The following ZPR1 variants were observed in gnomAD, a reference collection of about 807,000 sequenced individuals.
The protein encoded by ZPR1 is zinc finger protein ZPR1.
In ZPR1, 37 loss-of-function variants were observed where a neutral mutation model predicts 59.6. The observed-to-expected ratio is 0.62, with a 90% CI of 0.48 to 0.82. The LOEUF is 0.82. Among genes scored for constraint, ZPR1 ranks in the 40% least tolerant of loss-of-function variants. The pLI, the probability that ZPR1 is intolerant of heterozygous loss-of-function variation, is 0.00. For missense variants in ZPR1, 527 were observed against 579.9 expected, an observed-to-expected ratio of 0.91 and a Z score of 0.94; for synonymous variants, 191 against 215.2, an observed-to-expected ratio of 0.89 and a Z score of 0.99.
chr11:116,782,736 T>C (rs1940827161), intron 11 of ZPR1, among the ~76,000 whole-genome samples, 183 bp downstream of exon 11: 1 of 152,240 alleles, frequency 6.6e-6, no homozygotes, highest in Admixed American at 6.5e-5. Context: ...GGAATTTCCA[T>C]TCAACATTTC....
At chr11:116,779,860 CAAGTAAA>C (rs1346611568) in intron 12 of ZPR1, 23 bp from the exon 13 acceptor site, 1 of 1,391,866 alleles carries the variant, frequency 7.2e-7, no homozygotes, top group Non-Finnish European at 9.7e-7. Flanking sequence ...GAGAACACAG[CAAGTAAA>C]TTTTACATAA....
intron 2 of ZPR1, 165 bp from the exon 3 acceptor site, chr11:116,787,224 C>A: frequency 1.4e-6 from 1 of 694,816 alleles, no homozygotes; most frequent in Non-Finnish European, 2.4e-6. Context: ...GTGGTGTGAG[C>A]CAGGCTGTCC....
chr11:116,779,827 C>G lies in ZPR1; in HGVS notation c.1190G>C (p.Gly397Ala). The G allele has an allele frequency of 2.5e-6, 4 of 1,570,168 alleles. No homozygotes were observed. The highest frequency in any genetic ancestry group is 3.5e-6 in the Non-Finnish European group (4 of 1,154,942). The change falls in exon 13 of 14, where the codon GGT becomes GCT. Residue 397 changes from glycine (G) to alanine (A), a missense_variant. By Grantham distance (60) the Gly-to-Ala change is moderately conservative. Transcript: ENST00000227322. The stretch of plus-strand genomic sequence containing the variant: ...CATAATAAAGTGGGCCTTCATGTTA[C>G]CTTCGATGATCTAAAGGAGAGAGAG... The part of the protein sequence containing the change: ...FSQKMDQIIE[G>A]NMKAHFIMDD...
chr11:116,781,456 A>G (rs1940803776), intron 12 of ZPR1, among the ~76,000 whole-genome samples: 2 of 152,244 alleles, frequency 1.3e-5, no homozygotes, highest in South Asian at 2.1e-4. Context: ...CTCAATAGCC[A>G]AAGTGGAAGA....
chr11:116,781,203 A>C (rs932106911), intron 12 of ZPR1, among the ~76,000 whole-genome samples: 3 of 151,702 alleles, frequency 2.0e-5, no homozygotes, highest in Non-Finnish European at 4.4e-5. Context: ...AGGAGTTTTC[A>C]GAAAGAACAG....
At position 116,778,953 on chromosome 11, in the gene ZPR1, T is replaced by G. The variant is rs111364787; in HGVS notation, c.1352A>C (p.Tyr451Ser). 1 of 1,614,176 alleles carries G rather than the reference T, an allele frequency of 6.2e-7. No homozygotes were observed. The highest frequency in any genetic ancestry group is 1.1e-5 in the South Asian group (1 of 91,088). ...CCGTTGCGGAGCCAGGCCTGCCTCA[T>G]AGCCCTCTGTCTTCATGTCATTGAG... is the stretch of plus-strand genomic sequence containing the variant. ...LGLNDMKTEG[Y>S]EAGLAPQR Residue 451 changes from tyrosine (Y) to serine (S), a missense_variant, in exon 14 of 14, where the codon TAT becomes TCT. Coordinates refer to ENST00000227322, the MANE Select transcript of ZPR1 (RefSeq NM_003904.5).
intron 6 of ZPR1, 101 bp downstream of exon 6, chr11:116,785,413 G>A: frequency 6.6e-7 from 1 of 1,507,850 alleles, no homozygotes; most frequent in South Asian, 1.3e-5. Context: ...CTGAGATAGG[G>A]CACACAGAGC....
chr11:116,787,151 G>T (rs1015193891), intron 2 of ZPR1, 92 bp from the exon 3 acceptor site: 40 of 1,160,692 alleles, frequency 3.4e-5, no homozygotes, highest in Non-Finnish European at 5.0e-5. Context: ...TCAGACCGCA[G>T]CCCAGCTGTC....
In ZPR1 at chr11:116,778,798, C is replaced by G. The variant is rs1224385516; in HGVS notation, c.*127G>C. 6 of 1,205,650 alleles carry G rather than the reference C, an allele frequency of 5.0e-6. No homozygotes were observed. The highest frequency in any genetic ancestry group is 6.8e-6 in the Non-Finnish European group (6 of 877,032). 74.7% of individuals were successfully genotyped at this position (1,205,650 alleles called of 1,614,324 possible). ...GTGTGCACAGATCTCTGACTCAGACCAGATGTCCTCCCCACCATGGGCAAG... is the reference window on the plus strand; with the variant it reads ...GTGTGCACAGATCTCTGACTCAGACGAGATGTCCTCCCCACCATGGGCAAG... On this transcript the variant is annotated 3_prime_UTR_variant, in exon 14 of 14. Coordinates refer to ENST00000227322, the MANE Select transcript of ZPR1 (RefSeq NM_003904.5).
At position 116,778,852 on chromosome 11, in the gene ZPR1, C is replaced by G; in HGVS notation, c.*73G>C. On this transcript the variant is annotated 3_prime_UTR_variant, in exon 14 of 14. Coordinates refer to ENST00000227322, the MANE Select transcript of ZPR1 (RefSeq NM_003904.5). ...TGGTGGGAAAGACACTCCCAGCCTT[C>G]GCCTTCATCCAATACTAATAAATAA... 6.5e-7 allele frequency: 1 copy of G among 1,550,208 alleles called. No homozygotes were observed. The highest frequency in any genetic ancestry group is 8.7e-7 in the Non-Finnish European group (1 of 1,150,784).
intron 7 of ZPR1, 53 bp downstream of exon 7, chr11:116,785,046 C>A (rs1259760787): frequency 6.2e-7 from 1 of 1,608,868 alleles, no homozygotes; most frequent in Non-Finnish European, 8.5e-7. Context: ...TGAACAGCAT[C>A]AGTCTCAGCC....
At chr11:116,783,286 AG>A (rs1362073142) in intron 10 of ZPR1, among the ~76,000 whole-genome samples, 1 of 152,224 alleles carries the variant, frequency 6.6e-6, no homozygotes, top group Non-Finnish European at 1.5e-5. Context: ...GACAGAGAAG[AG>A]GACCCAGATA....
At chr11:116,786,939 A>G in intron 3 of ZPR1, 30 bp downstream of exon 3, 1 of 1,583,034 alleles carries the variant, frequency 6.3e-7, no homozygotes, top group Non-Finnish European at 8.7e-7. Flanking sequence ...CTACATGCGA[A>G]CAGCCCAAAT....
chr11:116,782,876 C>G (rs747389937), intron 11 of ZPR1, 43 bp downstream of exon 11: 1 of 1,524,648 alleles, frequency 6.6e-7, no homozygotes. Context: ...TTCACACAGC[C>G]AAATTGCTCA....
chr11:116,784,726 C>A, intron 8 of ZPR1, 129 bp downstream of exon 8: 1 of 1,042,924 alleles, frequency 9.6e-7, no homozygotes, highest in Non-Finnish European at 1.5e-6. Context: ...ACAGTCTAAT[C>A]AAAGATAATA....
chr11:116,786,401 T>C, intron 4 of ZPR1, 110 bp downstream of exon 4: 1 of 1,216,844 alleles, frequency 8.2e-7, no homozygotes, highest in African/African-American at 1.5e-5. Context: ...CACCACCATA[T>C]GCTTACCCAG....
intron 11 of ZPR1, among the ~76,000 whole-genome samples, chr11:116,782,701 A>C (rs1465495028): frequency 6.6e-6 from 1 of 152,220 alleles, no homozygotes; most frequent in Non-Finnish European, 1.5e-5. Flanking sequence ...CCACAAAATA[A>C]CTATAAAGTC....
chr11:116,780,506 T>C (rs1164007835), intron 12 of ZPR1, among the ~76,000 whole-genome samples: 1 of 151,494 alleles, frequency 6.6e-6, no homozygotes, highest in Non-Finnish European at 1.5e-5. Flanking sequence ...GGTCCACAGC[T>C]TGCTGATGTT....
intron 10 of ZPR1, 75 bp from the exon 11 acceptor site, chr11:116,783,104 A>C: frequency 9.1e-7 from 1 of 1,094,064 alleles, no homozygotes; most frequent in Non-Finnish European, 1.4e-6. Flanking sequence ...TGCCCAATTA[A>C]TACCAGCAGT....
Sources: allele counts gnomAD v4.1 joint callset (sites outside exome capture counted in the v4.1 genomes callset), GRCh38; gene constraint gnomAD v4.1.1; transcripts MANE v1.5; gene names NCBI Gene and HGNC (gene_info 2026-07-23, HGNC 2026-07-21).